The following GLI1 variants were observed in gnomAD, a reference collection of about 807,000 sequenced individuals.
GLI1 encodes the protein GLI family zinc finger 1.
Under a neutral mutation model 87.8 loss-of-function variants are expected in GLI1, and 51 were observed. The observed-to-expected ratio is 0.58, with a 90% confidence interval of 0.46 to 0.73. GLI1 has a LOEUF of 0.73. GLI1 is among the 30% of genes least tolerant of loss of function. The pLI is 0.00. For missense variants in GLI1, 1,292 were observed against 1,437.2 expected (o/e 0.90, Z 1.63); for synonymous variants, 528 against 558.2 (o/e 0.95, Z 0.76).
rs777287963 is a variant in GLI1, at chr12:57,470,998, T to C, written c.2258T>C (p.Leu753Pro). 20 of 1,611,304 alleles carry C rather than the reference T, an allele frequency of 1.2e-5. 1 individual carries two copies. In the Middle Eastern group the frequency reaches 4.9e-4, roughly 40 times the overall value. Residue 753 changes from leucine to proline, a missense_variant, in exon 12 of 12, where the codon CTT becomes CCT. Physicochemically the swap from Leu to Pro is moderately conservative, Grantham distance 98. Transcript: ENST00000228682. ...GCGAGGGGTCCAGGCTCTCTGCCTC[T>C]TGGGCCTGGTCCACCCACCAACTAT... Reference protein sequence around the residue: ...YGARGPGSLPLGPGPPTNYGP... With the variant: ...YGARGPGSLPPGPGPPTNYGP...
intron 8 of GLI1, 64 bp downstream of exon 8, chr12:57,466,453 G>A: frequency 1.6e-6 from 2 of 1,289,060 alleles, no homozygotes; most frequent in East Asian, 4.9e-5. Context: ...TCAAGGTAGG[G>A]CCCAAGGCAG....
At chr12:57,467,612 C>CA in intron 9 of GLI1, 115 bp downstream of exon 9, 2 of 873,644 alleles carry the variant, frequency 2.3e-6, no homozygotes, top group Non-Finnish European at 3.5e-6. Context: ...TCCCCCTCCC[C>CA]ACATAATTCG....
rs199685332 is a variant in GLI1, at chr12:57,464,693, C to T, written c.214C>T (p.Arg72Trp). Reference protein sequence around the residue: ...CTEGPLFSSPRSAVKLTKKRA... With the variant: ...CTEGPLFSSPWSAVKLTKKRA... ...CCCAGGCCCACTCTTTTCTTCTCCC[C>T]GGAGTGCAGTCAAGTTGACCAAGAA... Residue 72 changes from arginine to tryptophan, a missense_variant, in exon 4 of 12, where the codon CGG (arginine) becomes TGG (tryptophan). Arg to Trp is a moderately radical substitution (Grantham distance 101). This residue lies in a region of GLI1 where 383 missense variants were observed against 368.4 expected (regional missense o/e 1.04). Coordinates refer to ENST00000228682, the MANE Select transcript of GLI1 (RefSeq NM_005269.3). 54 of 1,613,932 alleles carry T rather than the reference C, an allele frequency of 3.3e-5. No individual in the cohort carries two copies. The highest frequency in any genetic ancestry group is 1.6e-4 in the Middle Eastern group (1 of 6,062).
chr12:57,467,956 G>T lies in GLI1; in HGVS notation c.1078-38G>T. On this transcript the variant is annotated intron_variant, in intron 9 of 11. Coordinates refer to ENST00000228682, the MANE Select transcript of GLI1 (RefSeq NM_005269.3). ...CATTTCTTCTGCATTCTTCCGCTTT[G>T]ATCCGTTTGCCTTCTGTCTCCACTC... is the stretch of plus-strand genomic sequence containing the variant. 2.1e-6 allele frequency: 3 copies of T among 1,439,174 alleles called. No homozygotes were observed. The South Asian group carries it at 3.4e-5, about 16-fold the overall frequency. 89.2% of individuals were successfully genotyped at this position (1,439,174 alleles called of 1,614,324 possible).
intron 1 of GLI1, among the ~76,000 whole-genome samples, chr12:57,462,399 C>T (rs940232387): frequency 9.9e-5 from 15 of 152,060 alleles, no homozygotes; most frequent in Admixed American, 9.8e-4. Flanking sequence ...CCCAGCATCC[C>T]GGGATCACCC....
At position 57,465,338 on chromosome 12, in the gene GLI1, G is replaced by A. The variant is rs2139853678; in HGVS notation, c.534+83G>A. Reference sequence around the variant, plus strand: ...ATTTTGTAGGGGAAAGGTGAAGGAAGGACAAGGGATATAAGTTTTCAGTAC... The same window carrying A: ...ATTTTGTAGGGGAAAGGTGAAGGAAAGACAAGGGATATAAGTTTTCAGTAC... On this transcript the variant is annotated intron_variant, in intron 5 of 11. Coordinates refer to ENST00000228682, the MANE Select transcript of GLI1 (RefSeq NM_005269.3). The A allele has an allele frequency of 1.6e-5, 21 of 1,286,924 alleles. No individual in the cohort carries two copies. In the South Asian group the frequency reaches 2.9e-4, roughly 18 times the overall value. The allele number at this position is 1,286,924 out of a possible 1,614,324, so 79.7% of individuals were successfully genotyped here.
intron 7 of GLI1, 74 bp from the exon 8 acceptor site, chr12:57,466,166 G>A: frequency 6.8e-7 from 1 of 1,461,210 alleles, no homozygotes; most frequent in Non-Finnish European, 9.4e-7. Flanking sequence ...AGGAACAGGG[G>A]GTGGAGGGAA....
chr12:57,468,097 C>T lies in GLI1; in HGVS notation c.1181C>T (p.Thr394Ile), dbSNP rs1332819968. ...GTGCATGGTCCTGACGCCCATGTGACCAAACGGCACCGTGGGGATGGCCCC... is the reference window on the plus strand; with the variant it reads ...GTGCATGGTCCTGACGCCCATGTGATCAAACGGCACCGTGGGGATGGCCCC... ...KTVHGPDAHV[T>I]KRHRGDGPLP... The change falls in exon 10 of 12, where the codon ACC (threonine) becomes ATC (isoleucine). Residue 394 changes from threonine to isoleucine, a missense_variant. By Grantham distance (89) the Thr-to-Ile change is moderately conservative. Transcript: ENST00000228682. 6.2e-7 allele frequency: 1 copy of T among 1,614,188 alleles called. No individual in the cohort carries two copies. The highest frequency in any genetic ancestry group is 8.5e-7 in the Non-Finnish European group (1 of 1,180,000).
In GLI1 at chr12:57,470,564, C is replaced by T; in HGVS notation, c.1824C>T (p.Ser608=). Reference sequence around the variant, plus strand: ...GTACTTCGCCCACTGCAGCATCCAGCCTGGATCGGATAGGTGGTCTTCCCA... The same window carrying T: ...GTACTTCGCCCACTGCAGCATCCAGTCTGGATCGGATAGGTGGTCTTCCCA... ...GGGTSPTAAS[S]LDRIGGLPMP... is the part of the protein sequence containing the mutation. The change falls in exon 12 of 12, where the codon AGC becomes AGT. Residue 608 remains serine, a synonymous_variant. Transcript: ENST00000228682. 2 of 1,614,134 alleles carry T rather than the reference C, an allele frequency of 1.2e-6. No homozygotes were observed. Among genetic ancestry groups the T allele is most frequent in the Non-Finnish European group, 1.7e-6 (2 of 1,180,024 alleles).
At position 57,464,032 on chromosome 12, in the gene GLI1, A is replaced by ACCTCATGTCCGGCCCCCACAGT; in HGVS notation, c.135_156dup (p.Tyr53ProfsTer113). ...GGCCCGCCCTTCTGCCACCAAGCTA[A>ACCTCATGTCCGGCCCCCACAGT]CCTCATGTCCGGCCCCCACAGTTAT... On this transcript the variant is annotated frameshift_variant, in exon 3 of 12. Coordinates refer to ENST00000228682, the MANE Select transcript of GLI1 (RefSeq NM_005269.3). LOFTEE classifies it high-confidence loss of function. 1 of 1,613,690 alleles carries ACCTCATGTCCGGCCCCCACAGT rather than the reference A, an allele frequency of 6.2e-7. No individual in the cohort carries two copies. The highest frequency in any genetic ancestry group is 1.6e-4 in the Middle Eastern group (1 of 6,062).
intron 8 of GLI1, among the ~76,000 whole-genome samples, chr12:57,467,043 T>C (rs4760259): frequency 0.65 from 98,701 of 152,032 alleles, 32,797 homozygotes; most frequent in Middle Eastern, 0.78. Flanking sequence ...TCCCCCAAGA[T>C]GACCCCATCT....
rs538595523 is a variant in GLI1 at position 57,470,650 on chromosome 12, G to A, written c.1910G>A (p.Arg637Gln). Residue 637 changes from arginine (R) to glutamine (Q), a missense_variant, in exon 12 of 12, where the codon CGG (arginine) becomes CAG (glutamine). Physicochemically the swap from Arg to Gln is conservative, Grantham distance 43. Transcript: ENST00000228682. ...PGYNPNAGVT[R>Q]RASDPAQAAD... ...TACAACCCCAATGCAGGGGTCACCCGGAGGGCCAGTGACCCAGCCCAGGCT... is the reference window on the plus strand; with the variant it reads ...TACAACCCCAATGCAGGGGTCACCCAGAGGGCCAGTGACCCAGCCCAGGCT... 60 of 1,613,784 alleles carry A rather than the reference G, an allele frequency of 3.7e-5. 2 individuals carry two copies. In the South Asian group the frequency reaches 5.5e-4, roughly 15 times the overall value.
rs1364213000 is a variant in GLI1, at chr12:57,464,729, T to C, written c.250T>C (p.Ser84Pro). 3 of 1,613,988 alleles carry C rather than the reference T, an allele frequency of 1.9e-6. No homozygotes were observed. The highest frequency in any genetic ancestry group is 3.3e-5 in the Admixed American group (2 of 60,020). ...AVKLTKKRAL[S>P]ISPLSDASLD... is the part of the protein sequence containing the mutation. ...CAAGTTGACCAAGAAGCGGGCACTG[T>C]CCATCTCACCTCTGTCGGATGCCAG... The change falls in exon 4 of 12, where the codon TCC becomes CCC. Residue 84 changes from serine (S) to proline (P), a missense_variant. By Grantham distance (74) the Ser-to-Pro change is moderately conservative. Coordinates refer to ENST00000228682, the MANE Select transcript of GLI1 (RefSeq NM_005269.3).
chr12:57,460,181 G>A lies in GLI1; in HGVS notation c.-48G>A, dbSNP rs1201579532. 2 of 150,490 alleles carry A rather than the reference G, an allele frequency of 1.3e-5. No individual in the cohort carries two copies. The highest frequency in any genetic ancestry group is 2.5e-5 in the African/African-American group (1 of 40,530). 9.3% of individuals were successfully genotyped at this position (150,490 alleles called of 1,614,324 possible). ...ACTCCAGCCCTGGACCGCGCATCCC[G>A]AGCCCAGCGCCCAGACAGAGGTGAG... On this transcript the variant is annotated 5_prime_UTR_variant, in exon 1 of 12. Transcript: ENST00000228682.
chr12:57,460,302 A>G (rs117797196), intron 1 of GLI1, 101 bp downstream of exon 1: 2,925 of 152,370 alleles, frequency 0.019, 48 homozygotes, highest in Non-Finnish European at 0.031. Context: ...CCCGGGACAT[A>G]GAGGCAAAAT....
chr12:57,462,087 A>G (rs1234453695), intron 1 of GLI1, among the ~76,000 whole-genome samples: 1 of 152,158 alleles, frequency 6.6e-6, no homozygotes, highest in Non-Finnish European at 1.5e-5. Context: ...AAGATGACTG[A>G]GTAGGCAAGT....
Position 57,464,047 on chromosome 12 carries a change from C to G in GLI1, c.149C>G (p.Pro50Arg). 6.2e-7 allele frequency: 1 copy of G among 1,614,062 alleles called. No individual in the cohort carries two copies. The change falls in exon 3 of 12, where the codon CCC becomes CGC. Residue 50 changes from proline (P) to arginine (R), a missense_variant. Physicochemically the swap from Pro to Arg is moderately radical, Grantham distance 103. Coordinates refer to ENST00000228682, the MANE Select transcript of GLI1 (RefSeq NM_005269.3). ...FCHQANLMSG[P>R]HSYGPARETN... ...CACCAAGCTAACCTCATGTCCGGCC[C>G]CCACAGTTATGGGCCAGCCAGAGAG... is the stretch of plus-strand genomic sequence containing the variant.
chr12:57,468,378 C>T (rs1871638631), intron 10 of GLI1, among the ~76,000 whole-genome samples, 154 bp downstream of exon 10: 1 of 152,234 alleles, frequency 6.6e-6, no homozygotes, highest in Admixed American at 6.5e-5. Context: ...CTTTGGGCTT[C>T]CCCAAATCTA....
chr12:57,466,466 T>G, intron 8 of GLI1, 77 bp downstream of exon 8: 1 of 1,146,018 alleles, frequency 8.7e-7, no homozygotes, highest in Non-Finnish European at 1.2e-6. Context: ...CAAGGCAGAC[T>G]TTTGCTTTTA....
Sources: allele counts gnomAD v4.1 joint callset (sites outside exome capture counted in the v4.1 genomes callset), GRCh38; gene constraint gnomAD v4.1.1; regional missense constraint gnomAD v4.1.1; transcripts MANE v1.5; gene names NCBI Gene and HGNC (gene_info 2026-07-23, HGNC 2026-07-21).